SBF2: variants seen among roughly 807,000 people sequenced by gnomAD.
SBF2 encodes myotubularin-related protein 13.
In SBF2, 112 loss-of-function variants were observed where a neutral mutation model predicts 225.2. That is an observed-to-expected ratio of 0.50 (90% CI 0.43 to 0.58). The LOEUF (loss-of-function observed/expected upper bound fraction) is 0.58. Ranked by LOEUF, SBF2 falls within the 20% of genes least tolerant of loss-of-function variation. The pLI is 0.00. For missense variants in SBF2, 1,996 were observed against 2,206.2 expected (o/e 0.90, Z 1.91); for synonymous variants, 763 against 773.3 (o/e 0.99, Z 0.22).
intron 2 of SBF2, among the ~76,000 whole-genome samples, chr11:10,070,352 G>T (rs959861762): frequency 2.0e-5 from 3 of 152,194 alleles, no homozygotes; most frequent in African/African-American, 4.8e-5. Flanking sequence ...GTAAGGAAGG[G>T]ATCCAGTTTC....
chr11:10,103,321 G>A (rs952322493), intron 2 of SBF2, among the ~76,000 whole-genome samples: 6 of 151,988 alleles, frequency 3.9e-5, no homozygotes, highest in Non-Finnish European at 8.8e-5. Context: ...GACCAAAAAC[G>A]ACACACTTGG....
chr11:10,193,351 C>CTTTTTTT (rs60903141), intron 2 of SBF2, among the ~76,000 whole-genome samples: 3 of 110,498 alleles, frequency 2.7e-5, no homozygotes, highest in Non-Finnish European at 3.6e-5. Context: ...TCAATTTCAT[C>CTTTTTTT]TTTTTTTTTT....
At chr11:9,900,742 T>A (rs917534527) in intron 16 of SBF2, among the ~76,000 whole-genome samples, 5 of 152,248 alleles carry the variant, frequency 3.3e-5, no homozygotes, top group African/African-American at 1.2e-4. Flanking sequence ...TTAAAAAAAT[T>A]TTTTTTAAAT....
intron 19 of SBF2, among the ~76,000 whole-genome samples, chr11:9,855,098 A>G (rs1392938823): frequency 6.6e-6 from 1 of 152,200 alleles, no homozygotes; most frequent in Non-Finnish European, 1.5e-5. Context: ...TCCTTTTGGC[A>G]GTAGAAAGAA....
intron 2 of SBF2, among the ~76,000 whole-genome samples, chr11:10,117,417 G>A (rs1274304841): frequency 1.4e-5 from 2 of 146,898 alleles, no homozygotes; most frequent in East Asian, 4.0e-4. Flanking sequence ...CTCCAGCCTG[G>A]GCGACAGAGT....
rs532604139 is a variant in SBF2 at position 10,286,660 on chromosome 11, T to C, written c.55+7355A>G. ...AGTGTGAGCCACGGCACCCAGCCTG[T>C]TTTTGTTTTTTGTTTTTTTGTCTTT... On this transcript the variant is annotated intron_variant, in intron 1 of 39. Coordinates refer to ENST00000256190, the MANE Select transcript of SBF2 (RefSeq NM_030962.4). Among the ~76,000 whole-genome samples the C allele has an allele frequency of 2.6e-5, 4 of 152,308 alleles. No homozygotes were observed. In the East Asian group the frequency reaches 7.7e-4, roughly 29 times the overall value.
At chr11:10,161,083 A>G (rs1955706539) in intron 2 of SBF2, among the ~76,000 whole-genome samples, 1 of 149,858 alleles carries the variant, frequency 6.7e-6, no homozygotes, top group Non-Finnish European at 1.5e-5. Flanking sequence ...GCTACTCAGG[A>G]GTAAGGCAGG....
intron 6 of SBF2, among the ~76,000 whole-genome samples, chr11:10,005,156 C>G (rs2134526523): frequency 6.6e-6 from 1 of 152,344 alleles, no homozygotes; most frequent in South Asian, 2.1e-4. Flanking sequence ...TGATCAGCAG[C>G]TTCCTGATAA....
rs147519820 is a variant in SBF2, at chr11:10,044,071, T to C, written c.142-1090A>G. On this transcript the variant is annotated intron_variant, in intron 2 of 39. Coordinates refer to ENST00000256190, the MANE Select transcript of SBF2 (RefSeq NM_030962.4). Reference sequence around the variant, plus strand: ...GATCTAAAGTCAGTAAACTAAGCTTTGACCTTTGGAAACTAGAAAAGAAGA... The same window carrying C: ...GATCTAAAGTCAGTAAACTAAGCTTCGACCTTTGGAAACTAGAAAAGAAGA... 3.9e-5 allele frequency among the ~76,000 whole-genome samples: 6 copies of C among 152,296 alleles called. No homozygotes were observed. The East Asian group carries it at 1.2e-3, about 29-fold the overall frequency.
At chr11:10,043,353 T>A (rs570260167) in intron 2 of SBF2, among the ~76,000 whole-genome samples, 189 of 152,282 alleles carry the variant, frequency 1.2e-3, no homozygotes, top group Non-Finnish European at 2.3e-3. Flanking sequence ...AAAATAGAAT[T>A]ATTTTTAAAT....
chr11:9,973,830 GA>G (rs1350870089), intron 13 of SBF2, among the ~76,000 whole-genome samples: 3 of 152,164 alleles, frequency 2.0e-5, no homozygotes, highest in African/African-American at 7.2e-5. Context: ...GCCACCTTGG[GA>G]AAAAGAAAAT....
chr11:10,300,851 T>C (rs1269070314), intron 1 of SBF2, among the ~76,000 whole-genome samples: 1 of 150,764 alleles, frequency 6.6e-6, no homozygotes, highest in African/African-American at 2.4e-5. Flanking sequence ...ATTTTTGCCA[T>C]GTTGCCAGGC....
intron 17 of SBF2, among the ~76,000 whole-genome samples, chr11:9,891,165 TGTG>T (rs1412621575): frequency 2.0e-5 from 3 of 151,848 alleles, no homozygotes; most frequent in African/African-American, 7.3e-5. Context: ...AATGGTGGCT[TGTG>T]GTGAAGGGGC....
At chr11:9,835,244 C>T (rs1164358871) in intron 26 of SBF2, among the ~76,000 whole-genome samples, 2 of 151,930 alleles carry the variant, frequency 1.3e-5, no homozygotes, top group Non-Finnish European at 2.9e-5. Flanking sequence ...TCACTACCAC[C>T]TAGGTCAAGA....
At chr11:9,906,418 T>C (rs960175601) in intron 16 of SBF2, among the ~76,000 whole-genome samples, 3 of 152,244 alleles carry the variant, frequency 2.0e-5, no homozygotes, top group Admixed American at 6.5e-5. Context: ...TTTCAATCCA[T>C]GACCAATTAG....
At chr11:10,290,420 G>C (rs1284562635) in intron 1 of SBF2, among the ~76,000 whole-genome samples, 6 of 152,088 alleles carry the variant, frequency 3.9e-5, no homozygotes. Context: ...GTCTGAGTGG[G>C]GTACGAAGTG....
chr11:9,812,045 C>A (rs369307979), intron 30 of SBF2, among the ~76,000 whole-genome samples: 1 of 150,386 alleles, frequency 6.6e-6, no homozygotes, highest in Non-Finnish European at 1.5e-5. Flanking sequence ...GTTTTTTTTT[C>A]AAGCCTTAGG....
intron 20 of SBF2, among the ~76,000 whole-genome samples, chr11:9,853,277 T>C (rs2133991579): frequency 6.6e-6 from 1 of 152,296 alleles, no homozygotes; most frequent in South Asian, 2.1e-4. Flanking sequence ...GTAGAGTGTT[T>C]GGGGTAATAA....
chr11:9,808,571 C>T (rs1469872230), intron 31 of SBF2: 20 of 407,542 alleles, frequency 4.9e-5, no homozygotes, highest in Non-Finnish European at 5.5e-5. Flanking sequence ...TGAGTTAAGG[C>T]GGGGCTTATA....
Sources: gnomAD v4.1 joint callset for allele counts (sites outside exome capture counted in the v4.1 genomes callset) on GRCh38, gnomAD v4.1.1 for gene constraint, MANE v1.5 for transcripts, NCBI Gene and HGNC (gene_info 2026-07-23, HGNC 2026-07-21) for gene names.